ITPR1: variants seen among roughly 807,000 people sequenced by gnomAD.
ITPR1 encodes inositol 1,4,5-trisphosphate receptor type 1.
A neutral mutation model predicts 318.4 loss-of-function variants in ITPR1; 96 were observed. The observed-to-expected ratio is 0.30, with a 90% CI of 0.26 to 0.36. The LOEUF is 0.36. ITPR1 is among the 10% of genes least tolerant of loss of function. The pLI, the probability that ITPR1 is intolerant of heterozygous loss-of-function variation, is 1.00. For missense variants in ITPR1, 2,440 were observed against 3,460.2 expected (o/e 0.71, Z 7.40); for synonymous variants, 1,312 against 1,289.9 (o/e 1.02, Z -0.37).
chr3:4,566,533 C>A (rs11710172), intron 4 of ITPR1, among the ~76,000 whole-genome samples: 1 of 150,242 alleles, frequency 6.7e-6, no homozygotes, highest in South Asian at 2.1e-4. Context: ...GAGTTGAGAG[C>A]CAGGTCAGAG....
intron 4 of ITPR1, among the ~76,000 whole-genome samples, chr3:4,529,851 C>T (rs899051707): frequency 3.3e-5 from 5 of 152,158 alleles, no homozygotes; most frequent in Non-Finnish European, 7.3e-5. Flanking sequence ...ATTTAATCCT[C>T]ATAACAACCC....
chr3:4,583,066 G>A (rs2089516174), intron 4 of ITPR1, among the ~76,000 whole-genome samples: 1 of 152,006 alleles, frequency 6.6e-6, no homozygotes, highest in Non-Finnish European at 1.5e-5. Flanking sequence ...CAAACTCTTG[G>A]CATATAGGAG....
Position 4,645,499 on chromosome 3 carries a change from T to G in ITPR1, c.708+29T>G, listed in dbSNP as rs572578965. The G allele has an allele frequency of 6.4e-5, 103 of 1,605,586 alleles. 1 individual carries two copies. The South Asian group carries it at 8.8e-4, about 14-fold the overall frequency. On this transcript the variant is annotated intron_variant, in intron 9 of 61. Transcript: ENST00000649015. ...AGTTTGATGCTTTATGGGCTGAGCA[T>G]TACTTGGCTCTTCTTGGGGGCAGCA...
rs184852843 is a variant in ITPR1, at chr3:4,725,549, C to A, written c.5140C>A (p.Pro1714Thr). The change falls in exon 41 of 62, where the codon CCT (proline) becomes ACT (threonine). Residue 1714 changes from proline to threonine, a missense_variant. By Grantham distance (38) the Pro-to-Thr change is conservative. Coordinates refer to ENST00000649015, the MANE Select transcript of ITPR1 (RefSeq NM_001378452.1). The stretch of plus-strand genomic sequence containing the variant: ...ACTTCGTTTTACTCCCAATTAGCTT[C>A]CTCCAGCTCCGGATTCTGAGAACGC... ...SIDELDNAEL[P>T]PAPDSENATE... 75 of 1,599,150 alleles carry A rather than the reference C, an allele frequency of 4.7e-5. No individual in the cohort carries two copies. In the East Asian group the frequency reaches 1.6e-3, roughly 35 times the overall value.
intron 4 of ITPR1, among the ~76,000 whole-genome samples, chr3:4,546,489 C>T (rs1288576516): frequency 1.3e-5 from 2 of 152,184 alleles, no homozygotes; most frequent in Non-Finnish European, 2.9e-5. Context: ...TGAATCTTTC[C>T]TCCTTTCCAG....
intron 38 of ITPR1, among the ~76,000 whole-genome samples, chr3:4,711,074 T>A (rs1235825141): frequency 6.6e-6 from 1 of 151,830 alleles, no homozygotes; most frequent in Admixed American, 6.6e-5. Context: ...TAGCTGGGCA[T>A]GGTGGCGGGC....
At chr3:4,821,488 A>T (rs2049713883) in intron 60 of ITPR1, among the ~76,000 whole-genome samples, 1 of 152,214 alleles carries the variant, frequency 6.6e-6, no homozygotes, top group African/African-American at 2.4e-5. Flanking sequence ...ATCTCACCCC[A>T]CACTGGGTCA....
At chr3:4,643,641 A>G (rs2125155604) in intron 7 of ITPR1, among the ~76,000 whole-genome samples, 1 of 151,972 alleles carries the variant, frequency 6.6e-6, no homozygotes, top group South Asian at 2.1e-4. Context: ...TATATATAGT[A>G]TTATAATTAT....
rs1001048183 is a variant in ITPR1, at chr3:4,561,135, G to C, written c.163+40041G>C. Among the ~76,000 whole-genome samples, 8 of 152,302 alleles carry C rather than the reference G, an allele frequency of 5.3e-5. No homozygotes were observed. The East Asian group carries it at 1.5e-3, about 29-fold the overall frequency. On this transcript the variant is annotated intron_variant, in intron 4 of 61. Transcript: ENST00000649015. Reference sequence around the variant, plus strand: ...GTGATTTGCTAATTGTCTGTATGTAGTATATGTTTGTAAGTGCTGAGTCGT... The same window carrying C: ...GTGATTTGCTAATTGTCTGTATGTACTATATGTTTGTAAGTGCTGAGTCGT...
intron 10 of ITPR1, among the ~76,000 whole-genome samples, chr3:4,650,647 G>A (rs111576524): frequency 3.4e-4 from 10 of 29,742 alleles, no homozygotes; most frequent in Non-Finnish European, 6.7e-4. Flanking sequence ...GTGTGTGTGC[G>A]CGCGTCTGTC....
chr3:4,556,894 G>A (rs1351431575), intron 4 of ITPR1, among the ~76,000 whole-genome samples: 1 of 152,148 alleles, frequency 6.6e-6, no homozygotes, highest in African/African-American at 2.4e-5. Flanking sequence ...GATGGCTTTT[G>A]AGTGCTGATA....
chr3:4,836,651 T>C lies in ITPR1; in HGVS notation c.8029-123T>C, dbSNP rs2270747. ...AATACACAGCACATAAGTTCTGCCA[T>C]AGAAGGAGATAACCTAATGAGAGTT... On this transcript the variant is annotated intron_variant, in intron 60 of 61. Transcript: ENST00000649015. 0.85 allele frequency: 828,156 copies of C among 973,932 alleles called. 353,120 individuals carry two copies. Among genetic ancestry groups the C allele is most frequent in the Non-Finnish European group, 0.87 (645,325 of 742,472 alleles). The allele number at this position is 973,932 out of a possible 1,614,324, so 60.3% of individuals were successfully genotyped here.
Position 4,775,235 on chromosome 3 carries a change from A to G in ITPR1, c.5980-7A>G. 1.2e-6 allele frequency: 2 copies of G among 1,611,774 alleles called. No homozygotes were observed. The highest frequency in any genetic ancestry group is 8.5e-7 in the Non-Finnish European group (1 of 1,177,868). On this transcript the variant is annotated splice_polypyrimidine_tract_variant and splice_region_variant and intron_variant, in intron 46 of 61. Coordinates refer to ENST00000649015, the MANE Select transcript of ITPR1 (RefSeq NM_001378452.1). The stretch of plus-strand genomic sequence containing the variant: ...GCTCACCGAACCTGGGGACTACCCA[A>G]TTGCAGAACTTCCTCCGTTGCCAAA...
At chr3:4,837,495 C>A (rs2051009336) in intron 61 of ITPR1, among the ~76,000 whole-genome samples, 1 of 152,058 alleles carries the variant, frequency 6.6e-6, no homozygotes, top group African/African-American at 2.4e-5. Context: ...TATAGACATA[C>A]TCCCTGATCT....
intron 4 of ITPR1, among the ~76,000 whole-genome samples, chr3:4,543,915 G>C (rs1023607937): frequency 8.5e-5 from 13 of 152,176 alleles, no homozygotes; most frequent in African/African-American, 3.1e-4. Flanking sequence ...CTTAGTGTAT[G>C]GGTGCCCCCA....
Position 4,720,795 on chromosome 3 carries a change from TA to T in ITPR1, c.5136+3397del, listed in dbSNP as rs531666523. Among the ~76,000 whole-genome samples, 884 of 126,930 alleles carry T rather than the reference TA, an allele frequency of 7.0e-3. 9 individuals are homozygous for T. Among genetic ancestry groups the T allele is most frequent in the African/African-American group, 0.022 (810 of 37,076 alleles). The allele number at this position is 126,930 out of a possible 152,430, so 83.3% of individuals were successfully genotyped here. ...AAAGATGCCATTGTAAAATTCGAGG[TA>T]GAGGGGGAAACAGGAGAAACAAAGA... On this transcript the variant is annotated intron_variant, in intron 40 of 61. Coordinates refer to ENST00000649015, the MANE Select transcript of ITPR1 (RefSeq NM_001378452.1).
At chr3:4,724,762 T>C (rs1016351977) in intron 40 of ITPR1, among the ~76,000 whole-genome samples, 6 of 152,176 alleles carry the variant, frequency 3.9e-5, no homozygotes, top group African/African-American at 1.2e-4. Flanking sequence ...CTCTCACCCC[T>C]TCCCCCTCAC....
chr3:4,670,542 G>A (rs2094052971), intron 19 of ITPR1, among the ~76,000 whole-genome samples, 187 bp from the exon 20 acceptor site: 2 of 152,166 alleles, frequency 1.3e-5, no homozygotes, highest in South Asian at 4.1e-4. Flanking sequence ...GGGGGCAGCA[G>A]CACCATAGTC....
chr3:4,746,004 A>C (rs2044080474), intron 44 of ITPR1, among the ~76,000 whole-genome samples: 1 of 152,228 alleles, frequency 6.6e-6, no homozygotes. Context: ...ATAATGAGCC[A>C]GATAGTTGGC....
Sources: allele counts gnomAD v4.1 joint callset (sites outside exome capture counted in the v4.1 genomes callset), GRCh38; gene constraint gnomAD v4.1.1; transcripts MANE v1.5; gene names NCBI Gene and HGNC (gene_info 2026-07-23, HGNC 2026-07-21).